PGBD5: variants seen among roughly 807,000 people sequenced by gnomAD.
The protein encoded by PGBD5 is piggyBac transposable element derived 5.
Under a neutral mutation model 47.9 loss-of-function variants are expected in PGBD5, and 14 were observed. That is an observed-to-expected ratio of 0.29 (90% CI 0.19 to 0.46). The LOEUF (loss-of-function observed/expected upper bound fraction) is 0.46. Among genes scored for constraint, PGBD5 ranks in the 20% least tolerant of loss-of-function variants. PGBD5 has a pLI of 1.00. For synonymous variants in PGBD5, 316 were observed against 306.3 expected, an observed-to-expected ratio of 1.03 and a Z score of -0.33; for missense variants, 635 against 716.0, an observed-to-expected ratio of 0.89 and a Z score of 1.29.
Position 230,319,761 on chromosome 1 carries a change from C to T in PGBD5, c.*3664G>A, listed in dbSNP as rs1572190712. 2.6e-5 allele frequency: 4 copies of T among 151,612 alleles called. No homozygotes were observed. The East Asian group carries it at 7.8e-4, about 29-fold the overall frequency. 9.4% of individuals were successfully genotyped at this position (151,612 alleles called of 1,614,324 possible). On this transcript the variant is annotated 3_prime_UTR_variant, in exon 7 of 7. Coordinates refer to ENST00000391860, the MANE Select transcript of PGBD5 (RefSeq NM_001258311.2). ...GCTCAGAATGACCCAGCCACCAAGA[C>T]TTTTCCATATGACTTGCCTGACTTT...
At chr1:230,410,680 T>A (rs2102749406) in intron 1 of PGBD5, among the ~76,000 whole-genome samples, 1 of 152,254 alleles carries the variant, frequency 6.6e-6, no homozygotes, top group Non-Finnish European at 1.5e-5. Flanking sequence ...AGATTTACTC[T>A]GAGGAGACTT....
chr1:230,387,223 C>A (rs570366009), intron 1 of PGBD5, among the ~76,000 whole-genome samples: 7 of 152,090 alleles, frequency 4.6e-5, no homozygotes. Context: ...ACAAGAGATG[C>A]GCTTTGAAGC....
chr1:230,407,037 G>T (rs900423261), intron 1 of PGBD5, among the ~76,000 whole-genome samples: 1 of 152,146 alleles, frequency 6.6e-6, no homozygotes, highest in Non-Finnish European at 1.5e-5. Flanking sequence ...GTTTCGCCAC[G>T]TTGGCCAGGC....
chr1:230,367,838 G>A lies in PGBD5; in HGVS notation c.332-10517C>T, dbSNP rs541735334. On this transcript the variant is annotated intron_variant, in intron 1 of 6. Coordinates refer to ENST00000391860, the MANE Select transcript of PGBD5 (RefSeq NM_001258311.2). ...ATCAACCACTACAAAGAGCATTCTCGCGTCCAATTTCATTCTCGCAACAGC... is the reference window on the plus strand; with the variant it reads ...ATCAACCACTACAAAGAGCATTCTCACGTCCAATTTCATTCTCGCAACAGC... The A allele has an allele frequency of 3.6e-3, 408 of 112,002 alleles. 5 individuals are homozygous for A. Among genetic ancestry groups the A allele is most frequent in the South Asian group, 0.035 (384 of 11,050 alleles). 6.9% of individuals were successfully genotyped at this position (112,002 alleles called of 1,614,324 possible).
intron 1 of PGBD5, among the ~76,000 whole-genome samples, chr1:230,393,976 C>T (rs1277959696): frequency 6.6e-6 from 1 of 152,118 alleles, no homozygotes; most frequent in Non-Finnish European, 1.5e-5. Context: ...AGGCTTCCAG[C>T]TCTCCCACTC....
At chr1:230,327,616 G>C (rs557417173) in intron 5 of PGBD5, among the ~76,000 whole-genome samples, 1 of 152,240 alleles carries the variant, frequency 6.6e-6, no homozygotes, top group Admixed American at 6.5e-5. Flanking sequence ...CCTCCTGGCC[G>C]GAAGACTATG....
Position 230,322,062 on chromosome 1 carries a change from GT to G in PGBD5, c.*1362del, listed in dbSNP as rs1667040429. 6.6e-6 allele frequency: 1 copy of G among 152,258 alleles called. No individual in the cohort carries two copies. The highest frequency in any genetic ancestry group is 2.4e-5 in the African/African-American group (1 of 41,458). 9.4% of individuals were successfully genotyped at this position (152,258 alleles called of 1,614,324 possible). On this transcript the variant is annotated 3_prime_UTR_variant, in exon 7 of 7. Transcript: ENST00000391860. This position sits in a 1 kb window ranked among gnomAD's most constrained non-coding sequence, Gnocchi z 5.9. ...AAAATGAGGTGGTTACATCAACTGG[GT>G]TGAAGGGGGACTGGGTAATCCCAGA...
chr1:230,340,508 T>G (rs1176643555), intron 3 of PGBD5, among the ~76,000 whole-genome samples: 2 of 152,186 alleles, frequency 1.3e-5, no homozygotes, highest in African/African-American at 4.8e-5. Context: ...AGCGGCTATT[T>G]CTGTATAAAA....
At position 230,323,682 on chromosome 1, in the gene PGBD5, C is replaced by T; in HGVS notation, c.1380-62G>A. ...GTTCATGGCACCCGGAGATGCATCCCAAAGGCCCCCCCTCACCACAGCCCG... is the reference window on the plus strand; with the variant it reads ...GTTCATGGCACCCGGAGATGCATCCTAAAGGCCCCCCCTCACCACAGCCCG... On this transcript the variant is annotated intron_variant, in intron 6 of 6. Transcript: ENST00000391860. This position sits in a 1 kb window ranked among gnomAD's most constrained non-coding sequence, Gnocchi z 4.1. The T allele has an allele frequency of 1.4e-6, 2 of 1,480,382 alleles. No homozygotes were observed. Among genetic ancestry groups the T allele is most frequent in the Non-Finnish European group, 1.8e-6 (2 of 1,095,108 alleles). 91.7% of individuals were successfully genotyped at this position (1,480,382 alleles called of 1,614,324 possible).
chr1:230,417,082 G>C (rs1304874204), intron 1 of PGBD5, among the ~76,000 whole-genome samples: 2 of 152,094 alleles, frequency 1.3e-5, no homozygotes, highest in Non-Finnish European at 1.5e-5. Flanking sequence ...TCATTCTTTT[G>C]TAATAATTCT....
chr1:230,339,776 C>T (rs1571830136), intron 3 of PGBD5, among the ~76,000 whole-genome samples: 1 of 152,118 alleles, frequency 6.6e-6, no homozygotes, highest in Non-Finnish European at 1.5e-5. Flanking sequence ...TGTATGATCC[C>T]ACTTGCATGT....
At chr1:230,350,266 G>C (rs1332696449) in intron 3 of PGBD5, among the ~76,000 whole-genome samples, 1 of 152,216 alleles carries the variant, frequency 6.6e-6, no homozygotes, top group Non-Finnish European at 1.5e-5. Flanking sequence ...ATTCTGGTGT[G>C]TATCTGTCCC....
Position 230,370,145 on chromosome 1 carries a change from G to A in PGBD5, c.332-12824C>T, listed in dbSNP as rs952600962. Reference sequence around the variant, plus strand: ...AGGACGGGGATGGAGCTGCAGGGGAGCAGGAAAGATGCTCTGCGTTCCCCT... The same window carrying A: ...AGGACGGGGATGGAGCTGCAGGGGAACAGGAAAGATGCTCTGCGTTCCCCT... On this transcript the variant is annotated intron_variant, in intron 1 of 6. Transcript: ENST00000391860. Among the ~76,000 whole-genome samples the A allele has an allele frequency of 9.8e-5, 15 of 152,332 alleles. No homozygotes were observed. In the East Asian group the frequency reaches 2.5e-3, roughly 25 times the overall value.
At position 230,319,235 on chromosome 1, in the gene PGBD5, C is replaced by G. The variant is rs1666998306; in HGVS notation, c.*4190G>C. ...AGGGATCCCTGTGAGGAGTAAGGCT[C>G]TGGGGCAGAAGGGCCACCCCAAGCC... On this transcript the variant is annotated 3_prime_UTR_variant, in exon 7 of 7. Coordinates refer to ENST00000391860, the MANE Select transcript of PGBD5 (RefSeq NM_001258311.2). 1 of 152,196 alleles carries G rather than the reference C, an allele frequency of 6.6e-6. No homozygotes were observed. Among genetic ancestry groups the G allele is most frequent in the Non-Finnish European group, 1.5e-5 (1 of 68,110 alleles). The allele number at this position is 152,196 out of a possible 1,614,324, so 9.4% of individuals were successfully genotyped here. A position where few individuals can be genotyped will look rare whatever the true frequency, so the allele number is the denominator to read the frequency against.
chr1:230,385,432 A>G (rs1656614122), intron 1 of PGBD5, among the ~76,000 whole-genome samples: 1 of 152,198 alleles, frequency 6.6e-6, no homozygotes, highest in South Asian at 2.1e-4. Context: ...CTAATGCAGA[A>G]AGGTTTTTGG....
intron 1 of PGBD5, among the ~76,000 whole-genome samples, chr1:230,362,754 G>A (rs1022168957): frequency 6.6e-6 from 1 of 152,152 alleles, no homozygotes; most frequent in Admixed American, 6.5e-5. Context: ...CCTGTTGACC[G>A]TTGGATGACA....
chr1:230,315,905 TATATGTATATGTGTATATGTGTACAC>T lies in PGBD5; in HGVS notation c.*7494_*7519del. 6.7e-6 allele frequency: 1 copy of T among 150,074 alleles called. No individual in the cohort carries two copies. The highest frequency in any genetic ancestry group is 2.0e-4 in the East Asian group (1 of 5,108). The allele number at this position is 150,074 out of a possible 1,614,324, so 9.3% of individuals were successfully genotyped here. On this transcript the variant is annotated 3_prime_UTR_variant, in exon 7 of 7. Transcript: ENST00000391860. ...ATACATACATATTTATGTGTACACA[TATATGTATATGTGTATATGTGTACAC>T]ATATATGTATGTGTATACATACATA...
At chr1:230,332,612 C>A (rs1324708436) in intron 5 of PGBD5, among the ~76,000 whole-genome samples, 1 of 152,184 alleles carries the variant, frequency 6.6e-6, no homozygotes, top group South Asian at 2.1e-4. Flanking sequence ...CAGCATGCAC[C>A]GCTCAAAAGC....
At chr1:230,343,248 A>G (rs1032407420) in intron 3 of PGBD5, among the ~76,000 whole-genome samples, 7 of 152,142 alleles carry the variant, frequency 4.6e-5, no homozygotes, top group African/African-American at 1.7e-4. Context: ...CAAAGCTCAA[A>G]GCCTGAGGTG....
Sources: gnomAD v4.1 joint callset for allele counts (sites outside exome capture counted in the v4.1 genomes callset) on GRCh38, gnomAD v4.1.1 for gene constraint, Gnocchi (gnomAD v3.1) non-coding constraint, MANE v1.5 for transcripts, NCBI Gene and HGNC (gene_info 2026-07-23, HGNC 2026-07-21) for gene names.